The following FFAR1 variants were observed in gnomAD, a reference collection of about 807,000 sequenced individuals.
The protein encoded by FFAR1 is free fatty acid receptor 1, also known as G-protein coupled receptor 40.
For synonymous variants in FFAR1, 216 were observed against 201.5 expected, an observed-to-expected ratio of 1.07 and a Z score of -0.61; for missense variants, 424 against 396.2, an observed-to-expected ratio of 1.07 and a Z score of -0.60.
At chr19:35,352,856 C>T (rs2066951723) in exon 1 of FFAR1, 1 of 269,238 alleles carries the variant, frequency 3.7e-6, no homozygotes, top group African/African-American at 2.2e-5. Context: ...ACTCTGAAAT[C>T]AGTTCCCAGG....
At chr19:35,350,752 CT>C (rs1184738235), upstream of FFAR1, among the ~76,000 whole-genome samples, 2 of 152,232 alleles carry the variant, frequency 1.3e-5, no homozygotes, top group African/African-American at 4.8e-5. Flanking sequence ...CCCTCCTCCC[CT>C]TCCGGCTCAC....
chr19:35,348,520 A>C (rs1181664290), upstream of FFAR1, among the ~76,000 whole-genome samples: 1 of 152,080 alleles, frequency 6.6e-6, no homozygotes, highest in Middle Eastern at 3.2e-3. Context: ...AGTCGCTTGA[A>C]CCTGGGAGGC....
chr19:35,352,466 G>A (rs776117423), exon 1 of FFAR1: 10 of 1,548,704 alleles, frequency 6.5e-6, no homozygotes, highest in African/African-American at 1.4e-5. Context: ...GCCACTGCTC[G>A]GGGGAAGGAG....
upstream of FFAR1, among the ~76,000 whole-genome samples, chr19:35,350,355 A>G (rs539759835): frequency 6.6e-6 from 1 of 152,302 alleles, no homozygotes; most frequent in African/African-American, 2.4e-5. Flanking sequence ...CTTACCCCAC[A>G]CACCCACTGC....
exon 1 of FFAR1, chr19:35,351,643 C>G: frequency 6.5e-7 from 1 of 1,547,244 alleles, no homozygotes; most frequent in Non-Finnish European, 8.7e-7. Context: ...CGAGGCGCGA[C>G]GGCCCACGCC....
chr19:35,351,360 C>T (rs572713749), upstream of FFAR1, among the ~76,000 whole-genome samples: 101 of 152,270 alleles, frequency 6.6e-4, no homozygotes, highest in African/African-American at 2.4e-3. Context: ...ATCCAGGCTC[C>T]GCTGCTCCCT....
At chr19:35,352,042 T>A in exon 1 of FFAR1, 1 of 1,613,868 alleles carries the variant, frequency 6.2e-7, no homozygotes, top group Non-Finnish European at 8.5e-7. Context: ...AACACACCGG[T>A]CAACGGCTCT....
chr19:35,351,869 G>A, exon 1 of FFAR1: 1 of 1,613,608 alleles, frequency 6.2e-7, no homozygotes, highest in Non-Finnish European at 8.5e-7. Flanking sequence ...GCCGCTACCT[G>A]GGAGCAGCCT....
At chr19:35,352,489 G>A in exon 1 of FFAR1, 2 of 1,536,816 alleles carry the variant, frequency 1.3e-6, no homozygotes, top group East Asian at 2.4e-5. Context: ...TGGGGCAGGA[G>A]GGCCCGGCTG....
At chr19:35,351,539 G>A (rs374114764), upstream of FFAR1, 132 of 1,538,920 alleles carry the variant, frequency 8.6e-5, no homozygotes, top group African/African-American at 1.6e-3. Flanking sequence ...GTGCAGGCCA[G>A]GACGGCGGCC....
chr19:35,352,024 T>C lies in FFAR1; in HGVS notation c.473T>C (p.Leu158Pro), dbSNP rs2066947238. The C allele has an allele frequency of 1.9e-6, 3 of 1,613,938 alleles. No homozygotes were observed. The African/African-American group carries it at 4.0e-5, about 22-fold the overall frequency. ...TGGCTGGACCACAGCAACACCTCCC[T>C]GGGCATCAACACACCGGTCAACGGC... Residue 158 changes from leucine (L) to proline (P), a missense_variant, in exon 1 of 1, where the codon CTG becomes CCG. Physicochemically the swap from Leu to Pro is moderately conservative, Grantham distance 98. Transcript: ENST00000246553.
At chr19:35,350,769 A>G (rs1164170850), upstream of FFAR1, among the ~76,000 whole-genome samples, 2 of 151,932 alleles carry the variant, frequency 1.3e-5, no homozygotes, top group East Asian at 3.9e-4. Flanking sequence ...CTCACTGCCC[A>G]TCCCGGGCAT....
chr19:35,347,906 C>T (rs1480791451), upstream of FFAR1, among the ~76,000 whole-genome samples: 2 of 152,264 alleles, frequency 1.3e-5, no homozygotes, highest in South Asian at 4.1e-4. Flanking sequence ...AACCTCACAG[C>T]TTTTCTGTCA....
chr19:35,350,459 A>C (rs924724906), upstream of FFAR1, among the ~76,000 whole-genome samples: 1 of 152,154 alleles, frequency 6.6e-6, no homozygotes, highest in South Asian at 2.1e-4. Context: ...GGGTGCATCA[A>C]GGGTGGAGAA....
At chr19:35,353,295 A>C (rs1161803423) in exon 1 of FFAR1, 1 of 152,194 alleles carries the variant, frequency 6.6e-6, no homozygotes, top group Non-Finnish European at 1.5e-5. Flanking sequence ...AGCCTGGGCA[A>C]GATAGTGAGA....
chr19:35,351,844 C>A (rs767964895), exon 1 of FFAR1: 3 of 1,612,182 alleles, frequency 1.9e-6, no homozygotes, highest in South Asian at 2.2e-5. Flanking sequence ...GGCTTCCTGG[C>A]CGCCCTGAGT....
exon 1 of FFAR1, chr19:35,352,674 C>G (rs564914616): frequency 3.7e-5 from 22 of 593,818 alleles, no homozygotes; most frequent in Admixed American, 1.2e-4. Flanking sequence ...TGCCCCTGCA[C>G]GTGTCGAGGA....
chr19:35,353,193 A>T (rs1396194472), exon 1 of FFAR1: 2 of 152,218 alleles, frequency 1.3e-5, no homozygotes, highest in Non-Finnish European at 2.9e-5. Flanking sequence ...AGTAAGACAT[A>T]TTTGAAGCCA....
exon 1 of FFAR1, chr19:35,352,184 C>A: frequency 6.2e-7 from 1 of 1,604,318 alleles, no homozygotes; most frequent in Non-Finnish European, 8.5e-7. Context: ...CACTGGCCCG[C>A]TCCGGCCTGA....
Sources: gnomAD v4.1 joint callset for allele counts (sites outside exome capture counted in the v4.1 genomes callset) on GRCh38, gnomAD v4.1.1 for gene constraint, MANE v1.5 for transcripts, NCBI Gene and HGNC (gene_info 2026-07-23, HGNC 2026-07-21) for gene names.